Variants in MARK1 observed in about 807,000 individuals in gnomAD.
MARK1 encodes the protein microtubule affinity regulating kinase 1.
Under a neutral mutation model 96.3 loss-of-function variants are expected in MARK1, and 40 were observed. The ratio of observed to expected loss-of-function variants is 0.42; its 90% CI spans 0.32 to 0.54. MARK1 has a LOEUF of 0.54. Ranked by LOEUF, MARK1 falls within the 20% of genes least tolerant of loss-of-function variation. The pLI, the probability that MARK1 is intolerant of heterozygous loss-of-function variation, is 0.16. For missense variants in MARK1, 719 were observed against 984.6 expected, an observed-to-expected ratio of 0.73 and a Z score of 3.61; for synonymous variants, 317 against 341.2, an observed-to-expected ratio of 0.93 and a Z score of 0.78.
chr1:220,661,887 A>G lies in MARK1; in HGVS notation c.2109A>G (p.Thr703=), dbSNP rs769672052. The change falls in exon 18 of 18, where the codon ACA becomes ACG. Residue 703 remains threonine (T), a synonymous_variant. Coordinates refer to ENST00000366917, the MANE Select transcript of MARK1 (RefSeq NM_018650.5). ...CTAAGCCGCGTTCTTTGCGGTTCAC[A>G]TGGAGTATGAAGACCACTAGTTCAA... ...KDSKPRSLRF[T]WSMKTTSSMD... is the part of the protein sequence containing the mutation. 5.6e-6 allele frequency: 9 copies of G among 1,614,118 alleles called. No homozygotes were observed. The highest frequency in any genetic ancestry group is 4.0e-5 in the African/African-American group (3 of 74,948).
chr1:220,560,581 C>T (rs1311991794), intron 1 of MARK1, among the ~76,000 whole-genome samples: 1 of 152,136 alleles, frequency 6.6e-6, no homozygotes, highest in Admixed American at 6.5e-5. Flanking sequence ...GCCGAGACAG[C>T]CTATCTGATA....
chr1:220,645,582 G>A (rs1416455429), intron 13 of MARK1, among the ~76,000 whole-genome samples: 1 of 152,114 alleles, frequency 6.6e-6, no homozygotes, highest in East Asian at 1.9e-4. Context: ...ACATCATCCT[G>A]ATACCAAAAT....
Position 220,651,991 on chromosome 1 carries a change from C to G in MARK1, c.1577C>G (p.Thr526Arg). 1 of 1,592,472 alleles carries G rather than the reference C, an allele frequency of 6.3e-7. No individual in the cohort carries two copies. Among genetic ancestry groups the G allele is most frequent in the Non-Finnish European group, 8.6e-7 (1 of 1,163,470 alleles). Residue 526 changes from threonine to arginine, a missense_variant, in exon 15 of 18, where the codon ACG becomes AGG. Around this residue, in one of 4 missense-constraint regions of MARK1, gnomAD observed 501 missense variants for 588.3 expected, o/e 0.85. Coordinates refer to ENST00000366917, the MANE Select transcript of MARK1 (RefSeq NM_018650.5). ...CAACTGCTTTATGGTGAAAGCCTTA[C>G]GGAGATGTCTGTGAGTAGCATATCT... ...ALQNGKDSSLTEMSVSSISSA... is the reference protein window; with the variant it reads ...ALQNGKDSSLREMSVSSISSA...
intron 1 of MARK1, among the ~76,000 whole-genome samples, chr1:220,567,690 A>C (rs1474997216): frequency 6.6e-6 from 1 of 152,180 alleles, no homozygotes; most frequent in Non-Finnish European, 1.5e-5. Flanking sequence ...AGAATGTGCC[A>C]AGCACTGTGT....
At chr1:220,534,564 C>T (rs892551497) in intron 1 of MARK1, among the ~76,000 whole-genome samples, 1 of 152,082 alleles carries the variant, frequency 6.6e-6, no homozygotes, top group Non-Finnish European at 1.5e-5. Context: ...GCTTATTTCA[C>T]TTAACATAAT....
chr1:220,539,747 A>G (rs1167093918), intron 1 of MARK1, among the ~76,000 whole-genome samples: 1 of 151,156 alleles, frequency 6.6e-6, no homozygotes, highest in Non-Finnish European at 1.5e-5. Context: ...TGATCCTTCT[A>G]ATGTGCCGTT....
chr1:220,543,827 T>G (rs546373132), intron 1 of MARK1, among the ~76,000 whole-genome samples: 44 of 152,354 alleles, frequency 2.9e-4, no homozygotes, highest in African/African-American at 1.1e-3. Context: ...ATCTTTGTTC[T>G]TGCTCAGTTT....
At chr1:220,559,311 G>A (rs1467841242) in intron 1 of MARK1, among the ~76,000 whole-genome samples, 1 of 152,226 alleles carries the variant, frequency 6.6e-6, no homozygotes, top group Non-Finnish European at 1.5e-5. Context: ...TAGGTCATCT[G>A]TGTTAAATGC....
In MARK1 at chr1:220,528,746, C is replaced by T. The variant is rs1451774657; in HGVS notation, c.-77C>T. The T allele has an allele frequency of 2.9e-6, 4 of 1,401,158 alleles. No homozygotes were observed. The East Asian group carries it at 1.1e-4, about 38-fold the overall frequency. The allele number at this position is 1,401,158 out of a possible 1,614,324, so 86.8% of individuals were successfully genotyped here. On this transcript the variant is annotated 5_prime_UTR_variant, in exon 1 of 18. Transcript: ENST00000366917. ...CCGGCCTTGTGCTCGCGTCCGCACC[C>T]CTTTCCTGTCGCCCCCCGGGGCCCG...
intron 1 of MARK1, among the ~76,000 whole-genome samples, chr1:220,557,828 A>G (rs1662390027): frequency 6.6e-6 from 1 of 152,054 alleles, no homozygotes; most frequent in Non-Finnish European, 1.5e-5. Flanking sequence ...AAGATGCTAG[A>G]TAAGAATAAT....
chr1:220,528,206 G>C lies in MARK1; in HGVS notation c.-617G>C, dbSNP rs988194242. ...CCGCTGCTCCGCGCGCAGCCGGCTC[G>C]GGCCGCTCCTCCTGACTGAGGCGCG... is the stretch of plus-strand genomic sequence containing the variant. On this transcript the variant is annotated 5_prime_UTR_variant, in exon 1 of 18. Coordinates refer to ENST00000366917, the MANE Select transcript of MARK1 (RefSeq NM_018650.5). 2.0e-5 allele frequency: 3 copies of C among 150,288 alleles called. No homozygotes were observed. The highest frequency in any genetic ancestry group is 3.0e-5 in the Non-Finnish European group (2 of 67,372). 9.3% of individuals were successfully genotyped at this position (150,288 alleles called of 1,614,324 possible). A position where few individuals can be genotyped will look rare whatever the true frequency, so the allele number is the denominator to read the frequency against.
chr1:220,584,626 A>G (rs1326009961), intron 3 of MARK1, among the ~76,000 whole-genome samples: 2 of 152,244 alleles, frequency 1.3e-5, no homozygotes, highest in Non-Finnish European at 2.9e-5. Context: ...AGTTTTCCAG[A>G]TTATCTGCAA....
chr1:220,650,779 G>C, intron 14 of MARK1, 59 bp downstream of exon 14: 1 of 1,205,114 alleles, frequency 8.3e-7, no homozygotes. Context: ...TAGTGCCCTT[G>C]CTGAAATGCC....
At chr1:220,539,683 G>T (rs552449982) in intron 1 of MARK1, among the ~76,000 whole-genome samples, 1 of 151,808 alleles carries the variant, frequency 6.6e-6, no homozygotes, top group South Asian at 2.1e-4. Flanking sequence ...ATTGATTTTT[G>T]TATGTTGTGC....
intron 13 of MARK1, among the ~76,000 whole-genome samples, chr1:220,637,033 T>G (rs1467131292): frequency 6.6e-6 from 1 of 152,190 alleles, no homozygotes; most frequent in Non-Finnish European, 1.5e-5. Flanking sequence ...AGAAATCTTA[T>G]CTAGCCATGT....
At chr1:220,608,833 C>T (rs571296204) in intron 6 of MARK1, among the ~76,000 whole-genome samples, 4 of 152,192 alleles carry the variant, frequency 2.6e-5, no homozygotes, top group Non-Finnish European at 5.9e-5. Context: ...CATTCAGGAG[C>T]AGGTTGTTCA....
chr1:220,598,074 GAC>G (rs1261852789), intron 3 of MARK1, among the ~76,000 whole-genome samples: 1 of 152,058 alleles, frequency 6.6e-6, no homozygotes, highest in Non-Finnish European at 1.5e-5. Context: ...TCACACCACA[GAC>G]ACACACAGAT....
intron 13 of MARK1, among the ~76,000 whole-genome samples, chr1:220,650,091 C>A (rs543169709): frequency 6.6e-6 from 1 of 152,312 alleles, no homozygotes; most frequent in East Asian, 1.9e-4. Context: ...ACTGCACACA[C>A]CACTGTTGGT....
chr1:220,563,957 T>C (rs997696156), intron 1 of MARK1, among the ~76,000 whole-genome samples: 2 of 152,240 alleles, frequency 1.3e-5, no homozygotes, highest in African/African-American at 4.8e-5. Flanking sequence ...CCTTCTTTAT[T>C]GTGCTGTCTT....
Sources: allele counts gnomAD v4.1 joint callset (sites outside exome capture counted in the v4.1 genomes callset), GRCh38; gene constraint gnomAD v4.1.1; regional missense constraint gnomAD v4.1.1; transcripts MANE v1.5; gene names NCBI Gene and HGNC (gene_info 2026-07-23, HGNC 2026-07-21).